The following FHIT variants were observed in gnomAD, a reference collection of about 807,000 sequenced individuals.
The protein encoded by FHIT is bis(5'-adenosyl)-triphosphatase.
A neutral mutation model predicts 17.9 loss-of-function variants in FHIT; 19 were observed. The ratio of observed to expected loss-of-function variants is 1.06; its 90% CI spans 0.74 to 1.56. The LOEUF is 1.56. FHIT is among the 40% of genes most tolerant of loss of function. FHIT has a pLI of 0.00. For synonymous variants in FHIT, 81 were observed against 69.7 expected, an observed-to-expected ratio of 1.16 and a Z score of -0.81; for missense variants, 248 against 189.2, an observed-to-expected ratio of 1.31 and a Z score of -1.82.
At chr3:59,851,892 G>A (rs1701953765) in intron 8 of FHIT, among the ~76,000 whole-genome samples, 1 of 152,132 alleles carries the variant, frequency 6.6e-6, no homozygotes, top group Non-Finnish European at 1.5e-5. Flanking sequence ...CTAGTAAGAA[G>A]GTCCCAATTA....
intron 5 of FHIT, among the ~76,000 whole-genome samples, chr3:60,306,370 A>C (rs974336548): frequency 2.6e-5 from 4 of 152,288 alleles, no homozygotes; most frequent in East Asian, 3.9e-4. Flanking sequence ...AGGAAACTAA[A>C]GGTAAAAGAG....
chr3:60,207,864 G>T (rs1047578613), intron 5 of FHIT, among the ~76,000 whole-genome samples: 4 of 152,144 alleles, frequency 2.6e-5, no homozygotes, highest in African/African-American at 9.7e-5. Context: ...AAGAGAGGCT[G>T]CATCATTTCT....
At chr3:60,439,817 A>G (rs2030631394) in intron 5 of FHIT, among the ~76,000 whole-genome samples, 1 of 152,112 alleles carries the variant, frequency 6.6e-6, no homozygotes, top group Non-Finnish European at 1.5e-5. Context: ...TCAAGAAACA[A>G]AAGATGCAAG....
rs1559564815 is a variant in FHIT, at chr3:59,748,377, G to C, written c.*1208C>G. On this transcript the variant is annotated 3_prime_UTR_variant, in exon 10 of 10. Coordinates refer to ENST00000492590, the MANE Select transcript of FHIT (RefSeq NM_002012.4). ...TTTAGGCATGTGGTCAGATGGTAAA[G>C]AAAAGAAAGTGGGAGGGTAGCCTAG... Among the ~76,000 whole-genome samples, 1 of 152,088 alleles carries C rather than the reference G, an allele frequency of 6.6e-6. No homozygotes were observed. The highest frequency in any genetic ancestry group is 1.5e-5 in the Non-Finnish European group (1 of 68,000).
chr3:60,227,115 C>G (rs542064205), intron 5 of FHIT, among the ~76,000 whole-genome samples: 6 of 152,240 alleles, frequency 3.9e-5, no homozygotes, highest in African/African-American at 1.2e-4. Context: ...CTGGCCTAAA[C>G]CACATAACCT....
intron 5 of FHIT, among the ~76,000 whole-genome samples, chr3:60,531,133 A>G (rs2035762572): frequency 6.6e-6 from 1 of 152,224 alleles, no homozygotes; most frequent in Non-Finnish European, 1.5e-5. Context: ...TAAGCTGGCT[A>G]ATATACAACA....
At chr3:60,499,612 C>A (rs537411546) in intron 5 of FHIT, among the ~76,000 whole-genome samples, 82 of 152,264 alleles carry the variant, frequency 5.4e-4, no homozygotes, top group African/African-American at 1.9e-3. Flanking sequence ...ATCTCCTGAC[C>A]TCGTGATCCG....
At chr3:60,573,250 T>C (rs1398879215) in intron 4 of FHIT, among the ~76,000 whole-genome samples, 1 of 152,162 alleles carries the variant, frequency 6.6e-6, no homozygotes, top group African/African-American at 2.4e-5. Flanking sequence ...GCACTTTCCC[T>C]GATCAAACGT....
At chr3:60,695,203 T>C (rs1553700359) in intron 4 of FHIT, among the ~76,000 whole-genome samples, 2 of 152,294 alleles carry the variant, frequency 1.3e-5, no homozygotes, top group South Asian at 2.1e-4. Context: ...GAGACCAGCC[T>C]GGCCAAAATG....
At chr3:61,116,246 A>T (rs2036295646) in intron 2 of FHIT, among the ~76,000 whole-genome samples, 1 of 152,188 alleles carries the variant, frequency 6.6e-6, no homozygotes, top group African/African-American at 2.4e-5. Flanking sequence ...CTAGTACTTT[A>T]AAAATTCATG....
At chr3:60,650,323 A>G (rs931162020) in intron 4 of FHIT, among the ~76,000 whole-genome samples, 1 of 152,188 alleles carries the variant, frequency 6.6e-6, no homozygotes, top group East Asian at 1.9e-4. Context: ...ATGTTGGAGT[A>G]AGAGACCTAA....
At chr3:60,754,238 C>T (rs1553717713) in intron 4 of FHIT, among the ~76,000 whole-genome samples, 1 of 152,116 alleles carries the variant, frequency 6.6e-6, no homozygotes. Flanking sequence ...AGTGAAAGGC[C>T]AGTTAACCTG....
At chr3:60,789,139 G>C (rs1242438736) in intron 4 of FHIT, among the ~76,000 whole-genome samples, 2 of 112,836 alleles carry the variant, frequency 1.8e-5, no homozygotes, top group Non-Finnish European at 3.5e-5. Flanking sequence ...TATATAGAGA[G>C]AGATGTGTGT....
At chr3:60,866,832 A>G (rs189390990) in intron 3 of FHIT, among the ~76,000 whole-genome samples, 6 of 152,260 alleles carry the variant, frequency 3.9e-5, no homozygotes, top group Non-Finnish European at 8.8e-5. Flanking sequence ...CACAAGCACC[A>G]AGTCATCCAT....
intron 7 of FHIT, among the ~76,000 whole-genome samples, chr3:59,939,003 A>T (rs1445290615): frequency 2.0e-5 from 3 of 152,178 alleles, no homozygotes; most frequent in Non-Finnish European, 4.4e-5. Flanking sequence ...AGAGAGATTT[A>T]TGGGGCCCTG....
chr3:60,521,448 C>T (rs183080137), intron 5 of FHIT, among the ~76,000 whole-genome samples: 20 of 152,136 alleles, frequency 1.3e-4, no homozygotes, highest in Middle Eastern at 6.8e-3. Flanking sequence ...GGGGTTTCAC[C>T]GTGTTAGCCA....
At chr3:60,125,271 T>A (rs1413631232) in intron 5 of FHIT, among the ~76,000 whole-genome samples, 2 of 152,204 alleles carry the variant, frequency 1.3e-5, no homozygotes, top group Admixed American at 1.3e-4. Context: ...GAGATTAGGA[T>A]ATCTTTTCTG....
At chr3:60,407,304 C>G (rs1441728543) in intron 5 of FHIT, among the ~76,000 whole-genome samples, 4 of 151,842 alleles carry the variant, frequency 2.6e-5, no homozygotes, top group African/African-American at 7.3e-5. Flanking sequence ...AAAAGCCTAC[C>G]AATTACAGAT....
At chr3:60,634,882 G>C (rs1021260057) in intron 4 of FHIT, among the ~76,000 whole-genome samples, 3 of 152,152 alleles carry the variant, frequency 2.0e-5, no homozygotes, top group Non-Finnish European at 4.4e-5. Context: ...ATTTTAGAGT[G>C]AGACGCCATC....
Sources: gnomAD v4.1 joint callset for allele counts (sites outside exome capture counted in the v4.1 genomes callset) on GRCh38, gnomAD v4.1.1 for gene constraint, MANE v1.5 for transcripts, NCBI Gene and HGNC (gene_info 2026-07-23, HGNC 2026-07-21) for gene names.